PARVB: variants seen among roughly 807,000 people sequenced by gnomAD.
PARVB encodes beta-parvin.
PARVB carries 46 observed loss-of-function variants against 47.0 expected under a neutral mutation model. That is an observed-to-expected ratio of 0.98 (90% confidence interval 0.77 to 1.25). The LOEUF is 1.25. Ranked by LOEUF, PARVB falls within the 50% of genes most tolerant of loss-of-function variation. The pLI is 0.00. For synonymous variants in PARVB, 196 were observed against 196.3 expected (o/e 1.00, Z 0.01); for missense variants, 473 against 471.6 (o/e 1.00, Z -0.03).
intron 3 of PARVB, among the ~76,000 whole-genome samples, chr22:44,101,237 G>A (rs1030156687): frequency 2.0e-5 from 3 of 151,246 alleles, no homozygotes; most frequent in Non-Finnish European, 2.9e-5. Flanking sequence ...GTGAAACCCC[G>A]TCTCTACTAA....
chr22:44,083,595 C>T (rs1159017967), intron 1 of PARVB, among the ~76,000 whole-genome samples: 4 of 151,992 alleles, frequency 2.6e-5, no homozygotes, highest in Non-Finnish European at 5.9e-5. Context: ...AGCTAGCTGA[C>T]CTGAAGTGAA....
At chr22:44,042,130 A>G (rs1451295434) in intron 1 of PARVB, among the ~76,000 whole-genome samples, 5 of 152,052 alleles carry the variant, frequency 3.3e-5, no homozygotes, top group Non-Finnish European at 7.4e-5. Context: ...CTTTCACTTA[A>G]GAAAATCTAG....
rs536809148 is a variant in PARVB, at chr22:44,115,932, A to G, written c.274-3106A>G. On this transcript the variant is annotated intron_variant, in intron 3 of 12. Transcript: ENST00000338758. ...GCACCAACACAGATACATTGTTACT[A>G]AGTAAGGCCCTGCACCAACACAGAT... 2.9e-5 allele frequency: 4 copies of G among 138,986 alleles called. No homozygotes were observed. The South Asian group carries it at 9.2e-4, about 32-fold the overall frequency. The allele number at this position is 138,986 out of a possible 1,614,324, so 8.6% of individuals were successfully genotyped here.
At chr22:44,017,883 AG>A (rs146196319) in intron 2 of PARVB, among the ~76,000 whole-genome samples, 1,686 of 152,068 alleles carry the variant, frequency 0.011, 34 homozygotes, top group African/African-American at 0.038. Flanking sequence ...TAGGGGTGTC[AG>A]GGGGGCCTTC....
At chr22:43,999,876 A>G (rs926568768) in intron 2 of PARVB, among the ~76,000 whole-genome samples, 7 of 144,636 alleles carry the variant, frequency 4.8e-5, no homozygotes, top group African/African-American at 1.8e-4. Context: ...GTGTGGTGGC[A>G]TGCATCTGTG....
Position 44,068,373 on chromosome 22 carries a change from T to C in PARVB, c.113-25555T>C, listed in dbSNP as rs545236357. On this transcript the variant is annotated intron_variant, in intron 1 of 12. Coordinates refer to ENST00000338758, the MANE Select transcript of PARVB (RefSeq NM_013327.5). This position sits in a 1 kb window ranked among gnomAD's most constrained non-coding sequence, Gnocchi z 4.1. ...TAGGGAGGGGCTGGGCCTGGTGTTATAAACCAGGAGAGGGTTCAGGCCGAG... is the reference window on the plus strand; with the variant it reads ...TAGGGAGGGGCTGGGCCTGGTGTTACAAACCAGGAGAGGGTTCAGGCCGAG... Among the ~76,000 whole-genome samples, 1 of 152,076 alleles carries C rather than the reference T, an allele frequency of 6.6e-6. No individual in the cohort carries two copies. The highest frequency in any genetic ancestry group is 1.5e-5 in the Non-Finnish European group (1 of 68,024).
At chr22:43,999,783 G>C (rs1176523836) in intron 2 of PARVB, 2 of 537,502 alleles carry the variant, frequency 3.7e-6, no homozygotes, top group South Asian at 1.7e-5. Context: ...TGTTGCTTGA[G>C]CCCAGGAATT....
chr22:44,093,084 C>T (rs757652251), intron 1 of PARVB, among the ~76,000 whole-genome samples: 1 of 152,206 alleles, frequency 6.6e-6, no homozygotes, highest in Non-Finnish European at 1.5e-5. Flanking sequence ...CATCTTGGGG[C>T]TGGAACCTCG....
intron 1 of PARVB, chr22:44,069,272 G>T (rs968219356): frequency 4.1e-6 from 4 of 983,336 alleles, no homozygotes; most frequent in African/African-American, 1.6e-5. Flanking sequence ...TGGACCCTGG[G>T]TGGCTGCTTG....
At chr22:44,026,200 C>A in intron 1 of PARVB, 1 of 484,268 alleles carries the variant, frequency 2.1e-6, no homozygotes, top group Non-Finnish European at 2.7e-6. Context: ...GTACGCAGTG[C>A]TTCTCCTCCT....
chr22:44,092,972 C>A (rs1049320850), intron 1 of PARVB, among the ~76,000 whole-genome samples: 5 of 152,346 alleles, frequency 3.3e-5, no homozygotes, highest in African/African-American at 1.2e-4. Context: ...GCACACTGGC[C>A]TGGGTACCTT....
At position 44,161,866 on chromosome 22, in the gene PARVB, A is replaced by G. The variant is rs184503564; in HGVS notation, c.946-1992A>G. 3.9e-5 allele frequency among the ~76,000 whole-genome samples: 6 copies of G among 152,298 alleles called. No homozygotes were observed. In the East Asian group the frequency reaches 1.2e-3, roughly 29 times the overall value. Reference sequence around the variant, plus strand: ...CCATTGCCAGTGTTTGGCCATCCTCAGGCCCAGCCCTGGTGCAGCACTCCC... The same window carrying G: ...CCATTGCCAGTGTTTGGCCATCCTCGGGCCCAGCCCTGGTGCAGCACTCCC... On this transcript the variant is annotated intron_variant, in intron 11 of 12. Coordinates refer to ENST00000338758, the MANE Select transcript of PARVB (RefSeq NM_013327.5).
In PARVB at chr22:44,155,207, T is replaced by G. The variant is rs753337752; in HGVS notation, c.844-2775T>G. On this transcript the variant is annotated intron_variant, in intron 10 of 12. Coordinates refer to ENST00000338758, the MANE Select transcript of PARVB (RefSeq NM_013327.5). The surrounding 1 kb of genome is among the most constrained non-coding windows in gnomAD (Gnocchi z 4.8). ...TGAGCTTCTGTCCACAGAATTAAAC[T>G]GGAGGCGATGGGCAGTGTGAGGACT... Among the ~76,000 whole-genome samples, 1 of 152,138 alleles carries G rather than the reference T, an allele frequency of 6.6e-6. No homozygotes were observed. The highest frequency in any genetic ancestry group is 1.5e-5 in the Non-Finnish European group (1 of 68,026).
At chr22:44,140,542 G>A (rs749907434) in intron 8 of PARVB, 13 of 545,120 alleles carry the variant, frequency 2.4e-5, no homozygotes, top group Admixed American at 7.7e-5. Context: ...CTCTGTGGAT[G>A]TCCTTCCATG....
intron 2 of PARVB, among the ~76,000 whole-genome samples, chr22:44,097,400 G>A (rs554506226): frequency 1.3e-5 from 2 of 152,288 alleles, no homozygotes; most frequent in African/African-American, 2.4e-5. Context: ...TGAGCAGCCC[G>A]TAGCAGACTG....
intron 10 of PARVB, among the ~76,000 whole-genome samples, chr22:44,156,115 G>A (rs945311100): frequency 7.9e-5 from 12 of 151,818 alleles, no homozygotes; most frequent in Admixed American, 2.6e-4. Flanking sequence ...GCAGTGAGCC[G>A]AGATCGCACC....
chr22:44,056,592 A>G (rs1361345272), intron 1 of PARVB, among the ~76,000 whole-genome samples: 3 of 151,888 alleles, frequency 2.0e-5, no homozygotes, highest in Admixed American at 2.0e-4. Context: ...TATAGCCTCG[A>G]CCCTGTGGGC....
intron 12 of PARVB, chr22:44,168,234 C>G (rs1017188930): frequency 2.1e-5 from 4 of 193,836 alleles, no homozygotes; most frequent in Non-Finnish European, 4.3e-5. Flanking sequence ...CCAGAGGGAG[C>G]TGTCGGGTCC....
intron 4 of PARVB, among the ~76,000 whole-genome samples, chr22:44,123,729 C>A (rs1028773869): frequency 2.0e-5 from 3 of 150,638 alleles, no homozygotes; most frequent in Admixed American, 6.6e-5. Context: ...CGAGGCTTTG[C>A]CATGTTGCCC....
Sources: allele counts gnomAD v4.1 joint callset (sites outside exome capture counted in the v4.1 genomes callset), GRCh38; gene constraint gnomAD v4.1.1; non-coding constraint Gnocchi (gnomAD v3.1); transcripts MANE v1.5; gene names NCBI Gene and HGNC (gene_info 2026-07-23, HGNC 2026-07-21).